The following CDH8 variants were observed in gnomAD, a reference collection of about 807,000 sequenced individuals.
CDH8 encodes the protein cadherin-8.
A neutral mutation model predicts 68.1 loss-of-function variants in CDH8; 17 were observed. The ratio of observed to expected loss-of-function variants is 0.25; its 90% confidence interval spans 0.17 to 0.37. The LOEUF (loss-of-function observed/expected upper bound fraction) is 0.37. Ranked by LOEUF, CDH8 falls within the 10% of genes least tolerant of loss-of-function variation. The pLI is 1.00. For missense variants in CDH8, 763 were observed against 999.3 expected (o/e 0.76, Z 3.19); for synonymous variants, 372 against 365.1 (o/e 1.02, Z -0.21).
chr16:61,930,875 C>G (rs1318669230), intron 2 of CDH8, among the ~76,000 whole-genome samples: 4 of 152,280 alleles, frequency 2.6e-5, no homozygotes, highest in Non-Finnish European at 4.4e-5. Context: ...TCACCCCCAG[C>G]GAAATTCCTC....
intron 3 of CDH8, among the ~76,000 whole-genome samples, chr16:61,878,894 G>A (rs573867092): frequency 1.3e-5 from 2 of 152,248 alleles, no homozygotes; most frequent in East Asian, 3.9e-4. Context: ...ACCACATGCT[G>A]TCTGCTGCCC....
At chr16:61,762,705 T>G (rs962588492) in intron 8 of CDH8, among the ~76,000 whole-genome samples, 1 of 152,176 alleles carries the variant, frequency 6.6e-6, no homozygotes, top group Non-Finnish European at 1.5e-5. Context: ...TCAGAGACAT[T>G]AGCTTAGGGT....
At chr16:61,794,906 A>G (rs1040875292) in intron 7 of CDH8, among the ~76,000 whole-genome samples, 5 of 151,974 alleles carry the variant, frequency 3.3e-5, no homozygotes, top group African/African-American at 1.2e-4. Flanking sequence ...AAAGGATGCC[A>G]TTTTTGGAAT....
intron 2 of CDH8, chr16:61,918,302 C>G (rs964661957): frequency 2.6e-5 from 4 of 154,148 alleles, no homozygotes; most frequent in African/African-American, 9.7e-5. Flanking sequence ...GAGAGGTGAT[C>G]AGGGAGGAGC....
At chr16:61,823,538 CA>C (rs1209405468) in intron 5 of CDH8, among the ~76,000 whole-genome samples, 4 of 151,910 alleles carry the variant, frequency 2.6e-5, no homozygotes, top group African/African-American at 7.2e-5. Context: ...CCAGGGCTAC[CA>C]TCACCTTTTA....
chr16:61,686,848 T>A (rs8056312), intron 10 of CDH8, among the ~76,000 whole-genome samples: 8,870 of 151,934 alleles, frequency 0.058, 892 homozygotes, highest in African/African-American at 0.2. Flanking sequence ...GCATCTTGTA[T>A]GTGTCCTTTT....
In CDH8 at chr16:61,899,831, G is replaced by GACACACACACACACACAC. The variant is rs35171683; in HGVS notation, c.547+1330_547+1347dup. Reference sequence around the variant, plus strand: ...TAATTTCCATCAGGAATGTTATAAAGACACACACACACACACACACACACA... The same window carrying GACACACACACACACACAC: ...TAATTTCCATCAGGAATGTTATAAAGACACACACACACACACACACACACACACACACACACACACACA... On this transcript the variant is annotated intron_variant, in intron 3 of 11. Transcript: ENST00000577390. 2.3e-3 allele frequency among the ~76,000 whole-genome samples: 346 copies of GACACACACACACACACAC among 147,330 alleles called. 1 individual carries two copies. The highest frequency in any genetic ancestry group is 3.7e-3 in the Non-Finnish European group (245 of 66,738).
At chr16:61,886,076 G>C (rs1441887000) in intron 3 of CDH8, among the ~76,000 whole-genome samples, 1 of 152,086 alleles carries the variant, frequency 6.6e-6, no homozygotes, top group Admixed American at 6.6e-5. Flanking sequence ...CTCTACCCTG[G>C]TTCTAACTTT....
At chr16:61,768,677 A>AT (rs1488406290) in intron 8 of CDH8, among the ~76,000 whole-genome samples, 1 of 151,474 alleles carries the variant, frequency 6.6e-6, no homozygotes, top group Non-Finnish European at 1.5e-5. Context: ...AATGATCTGC[A>AT]TTTTTTGAGT....
intron 2 of CDH8, among the ~76,000 whole-genome samples, chr16:61,992,514 C>G (rs942431230): frequency 2.0e-5 from 3 of 151,132 alleles, no homozygotes; most frequent in Non-Finnish European, 2.9e-5. Context: ...ATGGGTGCAG[C>G]ACACCAGCAT....
rs576854588 is a variant in CDH8, at chr16:61,674,315, G to A, written c.1655-18594C>T. The stretch of plus-strand genomic sequence containing the variant: ...TAAAAATACAAAAAATTATTTGGGC[G>A]TGGTGGTGAGTGCCTGTAATCCCAG... On this transcript the variant is annotated intron_variant, in intron 10 of 11. Coordinates refer to ENST00000577390, the MANE Select transcript of CDH8 (RefSeq NM_001796.5). Among the ~76,000 whole-genome samples the A allele has an allele frequency of 9.2e-5, 14 of 151,980 alleles. No homozygotes were observed. The South Asian group carries it at 1.0e-3, about 11-fold the overall frequency.
intron 1 of CDH8, among the ~76,000 whole-genome samples, chr16:62,027,302 T>A (rs886681249): frequency 1.3e-5 from 2 of 152,218 alleles, no homozygotes; most frequent in South Asian, 4.1e-4. Flanking sequence ...AACATTATTT[T>A]AAGATGAACT....
At chr16:61,755,866 G>A (rs189495237) in intron 8 of CDH8, among the ~76,000 whole-genome samples, 1 of 151,772 alleles carries the variant, frequency 6.6e-6, no homozygotes, top group Admixed American at 6.6e-5. Flanking sequence ...TGTCGCCCAG[G>A]CTGGAGTGCA....
At chr16:61,715,971 A>G (rs1401167741) in intron 9 of CDH8, among the ~76,000 whole-genome samples, 1 of 151,824 alleles carries the variant, frequency 6.6e-6, no homozygotes, top group Admixed American at 6.6e-5. Context: ...GAAGACAGGG[A>G]AAAACATTGC....
chr16:61,716,704 A>T (rs889965491), intron 9 of CDH8, among the ~76,000 whole-genome samples: 2 of 151,628 alleles, frequency 1.3e-5, no homozygotes, highest in African/African-American at 2.4e-5. Context: ...GAATTATTAC[A>T]TTTTCTTCCA....
chr16:61,876,813 A>G (rs1004459129), intron 3 of CDH8, among the ~76,000 whole-genome samples: 2 of 151,954 alleles, frequency 1.3e-5, no homozygotes. Flanking sequence ...GAATCTAAGC[A>G]TTATCCTAGA....
chr16:61,788,830 C>T (rs941305481), intron 8 of CDH8, among the ~76,000 whole-genome samples: 2 of 151,852 alleles, frequency 1.3e-5, no homozygotes, highest in African/African-American at 4.8e-5. Context: ...CCTATGATTA[C>T]TGTGTAAAAT....
At chr16:61,971,747 C>A (rs1025390245) in intron 2 of CDH8, among the ~76,000 whole-genome samples, 4 of 152,146 alleles carry the variant, frequency 2.6e-5, no homozygotes, top group African/African-American at 4.8e-5. Flanking sequence ...CCAGCTCCCA[C>A]GCTAGAGCTG....
At chr16:61,677,987 G>A (rs1963945950) in intron 10 of CDH8, among the ~76,000 whole-genome samples, 1 of 151,984 alleles carries the variant, frequency 6.6e-6, no homozygotes, top group South Asian at 2.1e-4. Flanking sequence ...CTGCTACCTT[G>A]GGGCTTCATC....
Sources: allele counts gnomAD v4.1 joint callset (sites outside exome capture counted in the v4.1 genomes callset), GRCh38; gene constraint gnomAD v4.1.1; transcripts MANE v1.5; gene names NCBI Gene and HGNC (gene_info 2026-07-23, HGNC 2026-07-21).